RGS7: variants seen among roughly 807,000 people sequenced by gnomAD.
RGS7 encodes regulator of G-protein signaling 7.
In RGS7, 27 loss-of-function variants were observed where a neutral mutation model predicts 81.1. The ratio of observed to expected loss-of-function variants is 0.33; its 90% confidence interval spans 0.25 to 0.46. The LOEUF is 0.46. Ranked by LOEUF, RGS7 falls within the 20% of genes least tolerant of loss-of-function variation. The probability of loss-of-function intolerance (pLI) is 1.00; values close to 1 mark genes in which losing one functional copy is unlikely to be tolerated. For synonymous variants in RGS7, 208 were observed against 207.7 expected (o/e 1.00, Z -0.01); for missense variants, 396 against 607.4 (o/e 0.65, Z 3.66).
rs1191726960 is a variant in RGS7 at position 241,087,976 on chromosome 1, C to CTA, written c.175+10688_175+10689dup. 3.2e-3 allele frequency among the ~76,000 whole-genome samples: 306 copies of CTA among 94,706 alleles called. 3 individuals are homozygous for CTA. Among genetic ancestry groups the CTA allele is most frequent in the East Asian group, 0.015 (56 of 3,686 alleles). 62.1% of individuals were successfully genotyped at this position (94,706 alleles called of 152,430 possible). ...TCTCTCTCTCTCTCTCTCTCTCTCT[C>CTA]TATATATATATATATATATACACAC... On this transcript the variant is annotated intron_variant, in intron 3 of 18. Coordinates refer to ENST00000440928, the MANE Select transcript of RGS7 (RefSeq NM_001364886.1).
chr1:241,353,013 C>T (rs2083343579), intron 2 of RGS7, among the ~76,000 whole-genome samples: 1 of 152,222 alleles, frequency 6.6e-6, no homozygotes, highest in Non-Finnish European at 1.5e-5. Context: ...CAGTTCAGAA[C>T]ACACTTTCAA....
intron 2 of RGS7, among the ~76,000 whole-genome samples, chr1:241,300,740 G>C (rs1558290599): frequency 6.6e-6 from 1 of 152,196 alleles, no homozygotes; most frequent in Non-Finnish European, 1.5e-5. Flanking sequence ...ACAGGTTTTT[G>C]TGTGGACATG....
intron 3 of RGS7, among the ~76,000 whole-genome samples, chr1:241,005,504 A>T (rs2058638992): frequency 6.6e-6 from 1 of 152,088 alleles, no homozygotes; most frequent in African/African-American, 2.4e-5. Flanking sequence ...GAAATCTCAC[A>T]CTATGCACTT....
At chr1:240,812,804 C>A (rs2103102649) in intron 13 of RGS7, among the ~76,000 whole-genome samples, 1 of 152,270 alleles carries the variant, frequency 6.6e-6, no homozygotes, top group East Asian at 1.9e-4. Flanking sequence ...GCATTGGTAA[C>A]CAAAAGATCT....
At chr1:240,882,732 C>T (rs1259899553) in intron 6 of RGS7, among the ~76,000 whole-genome samples, 1 of 152,040 alleles carries the variant, frequency 6.6e-6, no homozygotes, top group Non-Finnish European at 1.5e-5. Context: ...GAGAATATGG[C>T]TTCTCCTTTA....
At chr1:240,897,964 G>T (rs1188524664) in intron 6 of RGS7, among the ~76,000 whole-genome samples, 2 of 152,158 alleles carry the variant, frequency 1.3e-5, no homozygotes, top group Non-Finnish European at 2.9e-5. Context: ...TTCAAAGCCT[G>T]TTATTGGTCT....
At chr1:241,281,637 C>T (rs2078518442) in intron 2 of RGS7, among the ~76,000 whole-genome samples, 1 of 152,192 alleles carries the variant, frequency 6.6e-6, no homozygotes, top group South Asian at 2.1e-4. Flanking sequence ...ACAGACAATT[C>T]ATCTTGTAAA....
At chr1:240,989,444 A>G (rs1686142479) in intron 3 of RGS7, among the ~76,000 whole-genome samples, 1 of 151,988 alleles carries the variant, frequency 6.6e-6, no homozygotes, top group South Asian at 2.1e-4. Context: ...CAAAAAAAAA[A>G]AAGATACCAG....
At chr1:241,080,618 T>C (rs370362823) in intron 3 of RGS7, among the ~76,000 whole-genome samples, 3 of 152,308 alleles carry the variant, frequency 2.0e-5, no homozygotes, top group Non-Finnish European at 4.4e-5. Context: ...ATACACCAGT[T>C]AGAAATACTG....
At chr1:240,986,509 A>C (rs1030777566) in intron 3 of RGS7, among the ~76,000 whole-genome samples, 21 of 152,246 alleles carry the variant, frequency 1.4e-4, no homozygotes, top group Admixed American at 2.0e-4. Flanking sequence ...ACAGAGTTTA[A>C]AAAGAATAGT....
chr1:240,782,673 C>CA (rs1242038132), intron 18 of RGS7, among the ~76,000 whole-genome samples: 1 of 152,146 alleles, frequency 6.6e-6, no homozygotes, highest in East Asian at 1.9e-4. Context: ...CCTCCCAGCT[C>CA]AGTCTCCCAA....
At chr1:241,002,453 C>CA (rs56234845) in intron 3 of RGS7, among the ~76,000 whole-genome samples, 28 of 145,766 alleles carry the variant, frequency 1.9e-4, no homozygotes, top group African/African-American at 6.9e-4. Flanking sequence ...AACTCTGTCT[C>CA]AAAAAAAAAA....
intron 6 of RGS7, among the ~76,000 whole-genome samples, chr1:240,910,442 A>G (rs1671561480): frequency 1.3e-5 from 2 of 152,236 alleles, no homozygotes; most frequent in African/African-American, 4.8e-5. Context: ...TGGGATAGGC[A>G]GGAGGAAGAG....
At chr1:241,226,775 G>A (rs2075333020) in intron 2 of RGS7, among the ~76,000 whole-genome samples, 2 of 152,244 alleles carry the variant, frequency 1.3e-5, no homozygotes, top group African/African-American at 4.8e-5. Context: ...CCATTGATAG[G>A]AATAAGAAAT....
intron 10 of RGS7, among the ~76,000 whole-genome samples, chr1:240,824,619 T>G (rs779893969): frequency 3.3e-5 from 5 of 152,228 alleles, no homozygotes; most frequent in Non-Finnish European, 7.3e-5. Context: ...TGTCAAGGTA[T>G]TCACTGACAA....
intron 18 of RGS7, among the ~76,000 whole-genome samples, chr1:240,793,960 TC>T (rs533332546): frequency 7.2e-4 from 109 of 151,966 alleles, no homozygotes; most frequent in Non-Finnish European, 1.4e-3. Context: ...GTATCTATAA[TC>T]CCAAGCAACA....
At chr1:241,132,717 GGTCT>G (rs1267545832) in intron 2 of RGS7, among the ~76,000 whole-genome samples, 1 of 151,756 alleles carries the variant, frequency 6.6e-6, no homozygotes, top group African/African-American at 2.4e-5. Flanking sequence ...TTACTGTTAA[GGTCT>G]GTCAATAATT....
chr1:241,308,695 C>T (rs1194681866), intron 2 of RGS7, among the ~76,000 whole-genome samples: 1 of 152,100 alleles, frequency 6.6e-6, no homozygotes, highest in Non-Finnish European at 1.5e-5. Flanking sequence ...GCTCTCCAGG[C>T]CTGTTCATTG....
intron 3 of RGS7, among the ~76,000 whole-genome samples, chr1:241,018,095 T>C (rs1413276807): frequency 1.3e-5 from 2 of 151,564 alleles, no homozygotes; most frequent in Non-Finnish European, 1.5e-5. Flanking sequence ...GCCTCTGGAG[T>C]AGCTGGGATT....
Sources: allele counts gnomAD v4.1 joint callset (sites outside exome capture counted in the v4.1 genomes callset), GRCh38; gene constraint gnomAD v4.1.1; transcripts MANE v1.5; gene names NCBI Gene and HGNC (gene_info 2026-07-23, HGNC 2026-07-21).